BBOX1: variants seen among roughly 807,000 people sequenced by gnomAD.
The protein encoded by BBOX1 is gamma-butyrobetaine hydroxylase 1, also known as gamma-butyrobetaine dioxygenase.
BBOX1 carries 35 observed loss-of-function variants against 41.6 expected under a neutral mutation model. The observed-to-expected ratio is 0.84, with a 90% CI of 0.64 to 1.11. The LOEUF (loss-of-function observed/expected upper bound fraction) is 1.11. Among genes scored for constraint, BBOX1 ranks in the 50% most tolerant of loss-of-function variants. The pLI, the probability that BBOX1 is intolerant of heterozygous loss-of-function variation, is 0.00. For synonymous variants in BBOX1, 163 were observed against 154.7 expected (o/e 1.05, Z -0.40); for missense variants, 458 against 460.6 (o/e 0.99, Z 0.05).
intron 2 of BBOX1, among the ~76,000 whole-genome samples, chr11:27,041,974 C>T (rs574580661): frequency 1.3e-5 from 2 of 152,238 alleles, no homozygotes; most frequent in African/African-American, 2.4e-5. Flanking sequence ...TATAACATGC[C>T]TCTTTAAAAT....
At chr11:27,047,839 A>C (rs1366364433) in intron 2 of BBOX1, among the ~76,000 whole-genome samples, 1 of 152,102 alleles carries the variant, frequency 6.6e-6, no homozygotes, top group Non-Finnish European at 1.5e-5. Context: ...GCATAAAGAA[A>C]GCATTCAATA....
intron 5 of BBOX1, among the ~76,000 whole-genome samples, chr11:27,114,742 T>C (rs1859195495): frequency 6.6e-6 from 1 of 151,782 alleles, no homozygotes; most frequent in Admixed American, 6.6e-5. Flanking sequence ...TATGCAAAAA[T>C]TAATTCAAAA....
chr11:27,047,795 G>T (rs981033513), intron 2 of BBOX1, among the ~76,000 whole-genome samples: 1 of 151,940 alleles, frequency 6.6e-6, no homozygotes, highest in African/African-American at 2.4e-5. Flanking sequence ...GATTCAATGA[G>T]TTATTATACA....
rs567013602 is a variant in BBOX1, at chr11:27,107,456, C to T, written c.534-7996C>T. Reference sequence around the variant, plus strand: ...GCAGGATAATTTGCAGAGTTTCAGACACTCACCCCAGCACAACAGTAAACA... The same window carrying T: ...GCAGGATAATTTGCAGAGTTTCAGATACTCACCCCAGCACAACAGTAAACA... On this transcript the variant is annotated intron_variant, in intron 5 of 8. Transcript: ENST00000263182. Among the ~76,000 whole-genome samples, 13 of 152,174 alleles carry T rather than the reference C, an allele frequency of 8.5e-5. No homozygotes were observed. The South Asian group carries it at 2.7e-3, about 32-fold the overall frequency.
chr11:27,049,135 TG>T (rs10719276), intron 2 of BBOX1, among the ~76,000 whole-genome samples: 70,689 of 151,040 alleles, frequency 0.47, 16,868 homozygotes, highest in South Asian at 0.55. Flanking sequence ...ATAAGTTATT[TG>T]GGGGGGGGGA....
chr11:27,127,343 T>C lies in BBOX1; in HGVS notation c.1054T>C (p.Tyr352His). The stretch of plus-strand genomic sequence containing the variant: ...GCGCTTACTTCATGGCCGACGTAGC[T>C]ATGAAGCAGGAACTGAGATATCCCG... ...NWRLLHGRRS[Y>H]EAGTEISRHL... The change falls in exon 9 of 9, where the codon TAT becomes CAT. Residue 352 changes from tyrosine to histidine, a missense_variant. Transcript: ENST00000263182. 6.2e-7 allele frequency: 1 copy of C among 1,614,186 alleles called. No individual in the cohort carries two copies. The highest frequency in any genetic ancestry group is 8.5e-7 in the Non-Finnish European group (1 of 1,180,020).
At chr11:27,121,448 G>T (rs1859460889) in intron 7 of BBOX1, among the ~76,000 whole-genome samples, 1 of 152,178 alleles carries the variant, frequency 6.6e-6, no homozygotes, top group Non-Finnish European at 1.5e-5. Context: ...CACCCTGACT[G>T]CTAGAAAGAG....
At position 27,125,736 on chromosome 11, in the gene BBOX1, G is replaced by C. The variant is rs1174425886; in HGVS notation, c.919G>C (p.Val307Leu). The C allele has an allele frequency of 5.6e-6, 9 of 1,613,582 alleles. No homozygotes were observed. The highest frequency in any genetic ancestry group is 7.6e-6 in the Non-Finnish European group (9 of 1,179,726). ...AATATTTGATGTGCCTGTTGAAAGA[G>C]TTCAGCCTTTTTATGCTGCTCTGAA... ...DTIFDVPVER[V>L]QPFYAALKEF... Residue 307 changes from valine (V) to leucine (L), a missense_variant, in exon 8 of 9, where the codon GTT becomes CTT. Coordinates refer to ENST00000263182, the MANE Select transcript of BBOX1 (RefSeq NM_003986.3).
rs763638880 is a variant in BBOX1 at position 27,055,476 on chromosome 11, T to C, written c.46T>C (p.Leu16=). The C allele has an allele frequency of 2.5e-6, 4 of 1,614,116 alleles. No individual in the cohort carries two copies. The South Asian group carries it at 3.3e-5, about 13-fold the overall frequency. ...GGCAGAAGCACTTGACGGGGCTCAT[T>C]TGATGCAGATCCTCTGGTATGATGA... ...QKAEALDGAH[L]MQILWYDEEE... The change falls in exon 3 of 9, where the codon TTG becomes CTG. Residue 16 remains leucine, a synonymous_variant. Transcript: ENST00000263182.
chr11:27,126,917 G>A (rs1255135409), intron 8 of BBOX1, among the ~76,000 whole-genome samples: 2 of 151,978 alleles, frequency 1.3e-5, no homozygotes, highest in Admixed American at 6.6e-5. Flanking sequence ...CTCGTGATCC[G>A]CCCACCTCGG....
intron 7 of BBOX1, 35 bp downstream of exon 7, chr11:27,119,880 A>G: frequency 8.2e-7 from 1 of 1,223,928 alleles, no homozygotes; most frequent in African/African-American, 1.6e-5. Context: ...ATAGCAATAA[A>G]AGAATTGACA....
chr11:27,107,896 T>G (rs1858925128), intron 5 of BBOX1, among the ~76,000 whole-genome samples: 1 of 152,102 alleles, frequency 6.6e-6, no homozygotes, highest in Non-Finnish European at 1.5e-5. Context: ...CAACAATAAG[T>G]AGCAGCTTTC....
intron 4 of BBOX1, among the ~76,000 whole-genome samples, chr11:27,082,958 T>C (rs543154840): frequency 1.3e-5 from 2 of 152,236 alleles, no homozygotes; most frequent in African/African-American, 2.4e-5. Flanking sequence ...ATTCTGGTCA[T>C]AGGACTGAGC....
chr11:27,085,063 C>G (rs1857984581), intron 4 of BBOX1, among the ~76,000 whole-genome samples: 1 of 151,996 alleles, frequency 6.6e-6, no homozygotes, highest in African/African-American at 2.4e-5. Flanking sequence ...TCTTTTGGTT[C>G]CCTGGATAGT....
chr11:27,116,075 T>C (rs1339855197), intron 6 of BBOX1, among the ~76,000 whole-genome samples: 2 of 152,014 alleles, frequency 1.3e-5, no homozygotes, highest in Non-Finnish European at 2.9e-5. Context: ...CCAATCCAAA[T>C]GCCCATCAAT....
chr11:27,119,844 G>A lies in BBOX1; in HGVS notation c.835G>A (p.Glu279Lys). The A allele has an allele frequency of 6.8e-7, 1 of 1,464,224 alleles. No individual in the cohort carries two copies. The highest frequency in any genetic ancestry group is 9.1e-7 in the Non-Finnish European group (1 of 1,095,366). The allele number at this position is 1,464,224 out of a possible 1,614,324, so 90.7% of individuals were successfully genotyped here. A position where few individuals can be genotyped will look rare whatever the true frequency, so the allele number is the denominator to read the frequency against. Residue 279 changes from glutamate to lysine, a missense_variant and splice_region_variant, in exon 7 of 9, where the codon GAG becomes AAG. Transcript: ENST00000263182. ...FSVQSKHKII[E>K]LDDKGQVVRI... Reference sequence around the variant, plus strand: ...TGTACAATCAAAACATAAAATTATAGAGTAAGTACTATTTATAAATTTCCC... The same window carrying A: ...TGTACAATCAAAACATAAAATTATAAAGTAAGTACTATTTATAAATTTCCC...
intron 4 of BBOX1, among the ~76,000 whole-genome samples, chr11:27,091,504 C>G (rs1413698228): frequency 6.6e-6 from 1 of 151,904 alleles, no homozygotes; most frequent in Non-Finnish European, 1.5e-5. Flanking sequence ...GCCTCATTGT[C>G]TGTTATTGAT....
chr11:27,074,763 A>C (rs921425868), intron 4 of BBOX1, among the ~76,000 whole-genome samples: 3 of 152,228 alleles, frequency 2.0e-5, no homozygotes, highest in Admixed American at 2.0e-4. Context: ...GAAGAGCATA[A>C]AAAGTTTGAA....
chr11:27,089,482 T>C (rs2134034014), intron 4 of BBOX1, among the ~76,000 whole-genome samples: 1 of 152,176 alleles, frequency 6.6e-6, no homozygotes, highest in Non-Finnish European at 1.5e-5. Context: ...TAGATAATCA[T>C]GTAGACAATA....
Sources: allele counts gnomAD v4.1 joint callset (sites outside exome capture counted in the v4.1 genomes callset), GRCh38; gene constraint gnomAD v4.1.1; transcripts MANE v1.5; gene names NCBI Gene and HGNC (gene_info 2026-07-23, HGNC 2026-07-21).